The following DNAH11 variants were observed in gnomAD, a reference collection of about 807,000 sequenced individuals.
DNAH11 encodes the protein dynein axonemal heavy chain 11.
Under a neutral mutation model 526.0 loss-of-function variants are expected in DNAH11, and 442 were observed. The observed-to-expected ratio is 0.84, with a 90% confidence interval of 0.78 to 0.91. The LOEUF is 0.91. DNAH11 is among the 40% of genes least tolerant of loss of function. The pLI is 0.00. For missense variants in DNAH11, 6,989 were observed against 5,448.7 expected (o/e 1.28, Z -8.90); for synonymous variants, 2,461 against 1,935.9 (o/e 1.27, Z -7.12).
At chr7:21,835,044 C>T (rs1318828132) in intron 65 of DNAH11, among the ~76,000 whole-genome samples, 1 of 151,858 alleles carries the variant, frequency 6.6e-6, no homozygotes, top group Non-Finnish European at 1.5e-5. Flanking sequence ...ACATGTATAA[C>T]CTATCAAAAT....
intron 68 of DNAH11, among the ~76,000 whole-genome samples, chr7:21,855,049 TG>T (rs1304367672): frequency 2.0e-3 from 179 of 91,320 alleles, no homozygotes; most frequent in Non-Finnish European, 4.1e-3. Context: ...TTTTTTTTTT[TG>T]GGATGGAGTC....
intron 45 of DNAH11, among the ~76,000 whole-genome samples, chr7:21,728,941 C>T (rs936643421): frequency 6.6e-6 from 1 of 152,242 alleles, no homozygotes; most frequent in East Asian, 1.9e-4. Flanking sequence ...TGCCTCTGGA[C>T]ACACTAAGGC....
intron 35 of DNAH11, among the ~76,000 whole-genome samples, 198 bp downstream of exon 35, chr7:21,691,079 C>T (rs1455070550): frequency 6.6e-6 from 1 of 151,962 alleles, no homozygotes; most frequent in Non-Finnish European, 1.5e-5. Flanking sequence ...GACTCAAAAT[C>T]AGTATTTAAA....
In DNAH11 at chr7:21,703,621, C is replaced by G. The variant is rs1272466020; in HGVS notation, c.6274-813C>G. On this transcript the variant is annotated intron_variant, in intron 37 of 81. Transcript: ENST00000409508. The stretch of plus-strand genomic sequence containing the variant: ...GTGAGAACAGCAAGGAGGAAATCCA[C>G]CCACTTGATGATCCAATCACCTCCC... 3.3e-5 allele frequency: 5 copies of G among 152,146 alleles called. No individual in the cohort carries two copies. In the East Asian group the frequency reaches 9.7e-4, roughly 29 times the overall value. 9.4% of individuals were successfully genotyped at this position (152,146 alleles called of 1,614,324 possible).
chr7:21,852,395 A>G, intron 66 of DNAH11, 72 bp from the exon 67 acceptor site: 1 of 1,452,502 alleles, frequency 6.9e-7, no homozygotes, highest in Admixed American at 2.2e-5. Flanking sequence ...CGACAGAGCA[A>G]GACTTCCTCT....
At chr7:21,584,731 C>G (rs1042726375) in intron 9 of DNAH11, among the ~76,000 whole-genome samples, 1 of 152,014 alleles carries the variant, frequency 6.6e-6, no homozygotes, top group African/African-American at 2.4e-5. Context: ...TTAATACTGC[C>G]ACTATTTTTT....
chr7:21,744,731 C>G, intron 50 of DNAH11, 132 bp downstream of exon 50: 1 of 1,428,494 alleles, frequency 7.0e-7, no homozygotes, highest in Admixed American at 2.5e-5. Flanking sequence ...CCAGAATACA[C>G]TTGGTCTATG....
chr7:21,725,922 A>C lies in DNAH11; in HGVS notation c.7378A>C (p.Lys2460Gln), dbSNP rs1354079605. 1 of 1,576,048 alleles carries C rather than the reference A, an allele frequency of 6.3e-7. No individual in the cohort carries two copies. The part of the protein sequence containing the change: ...FDYYVDHKTK[K>Q]LLPWADKIAQ... ...TTATTATGTGGACCACAAAACTAAG[A>C]AATTATTGCCCTGGGCTGACAAAAT... The change falls in exon 45 of 82, where the codon AAA becomes CAA. Residue 2460 changes from lysine (K) to glutamine (Q), a missense_variant. By Grantham distance (53) the Lys-to-Gln change is moderately conservative. Transcript: ENST00000409508.
intron 46 of DNAH11, among the ~76,000 whole-genome samples, chr7:21,737,311 G>A (rs1346395292): frequency 6.6e-6 from 1 of 152,184 alleles, no homozygotes; most frequent in Non-Finnish European, 1.5e-5. Context: ...CTGCAGATAG[G>A]GTGACCACCT....
intron 61 of DNAH11, among the ~76,000 whole-genome samples, chr7:21,800,414 T>G (rs1788926895): frequency 6.6e-6 from 1 of 152,058 alleles, no homozygotes. Flanking sequence ...GGTGGATCAC[T>G]TGAGACCAGG....
intron 42 of DNAH11, among the ~76,000 whole-genome samples, chr7:21,717,210 AC>A (rs1784700176): frequency 6.6e-6 from 1 of 151,986 alleles, no homozygotes; most frequent in Non-Finnish European, 1.5e-5. Context: ...TTACACACAC[AC>A]ACACACACAC....
chr7:21,587,215 C>T (rs1157636848), intron 9 of DNAH11, among the ~76,000 whole-genome samples: 1 of 152,184 alleles, frequency 6.6e-6, no homozygotes, highest in Non-Finnish European at 1.5e-5. Flanking sequence ...ATCAGACTCA[C>T]TGGATAACTA....
At chr7:21,773,653 T>C in intron 55 of DNAH11, 113 bp from the exon 56 acceptor site, 2 of 812,040 alleles carry the variant, frequency 2.5e-6, no homozygotes, top group Non-Finnish European at 3.7e-6. Context: ...TAGGTTATAC[T>C]ATCATTTTTT....
At position 21,612,554 on chromosome 7, in the gene DNAH11, CA is replaced by C. The variant is rs34356379; in HGVS notation, c.3853-2538del. ...TGGGCGACAGAGTGAGGCTCCGTCT[CA>C]AAAAAAAAAAAAAAAAAAAAAGAGA... On this transcript the variant is annotated intron_variant, in intron 20 of 81. Transcript: ENST00000409508. 1.7e-3 allele frequency among the ~76,000 whole-genome samples: 141 copies of C among 81,238 alleles called. 1 individual carries two copies. Among genetic ancestry groups the C allele is most frequent in the East Asian group, 8.7e-3 (30 of 3,432 alleles). 53.3% of individuals were successfully genotyped at this position (81,238 alleles called of 152,430 possible). A position where few individuals can be genotyped will look rare whatever the true frequency, so the allele number is the denominator to read the frequency against.
At chr7:21,648,231 A>G (rs1787447270) in intron 28 of DNAH11, among the ~76,000 whole-genome samples, 1 of 152,242 alleles carries the variant, frequency 6.6e-6, no homozygotes, top group Non-Finnish European at 1.5e-5. Context: ...GTGCATAAAG[A>G]ACCAATAAAA....
intron 71 of DNAH11, 53 bp downstream of exon 71, chr7:21,866,716 T>C (rs1022930874): frequency 2.5e-5 from 38 of 1,525,706 alleles, no homozygotes; most frequent in African/African-American, 2.8e-5. Flanking sequence ...AGAGGAAATG[T>C]AGTCTGAAGA....
Position 21,864,630 on chromosome 7 carries a change from A to T in DNAH11, c.11469A>T (p.Leu3823=). The T allele has an allele frequency of 6.2e-7, 1 of 1,607,688 alleles. No homozygotes were observed. The highest frequency in any genetic ancestry group is 8.5e-7 in the Non-Finnish European group (1 of 1,177,008). Residue 3823 remains leucine (L), a synonymous_variant, in exon 70 of 82, where the codon CTA becomes CTT. Coordinates refer to ENST00000409508, the MANE Select transcript of DNAH11 (RefSeq NM_001277115.2). ...EHTHLSPVDF[L]TSQSWSAIKA... Reference sequence around the variant, plus strand: ...CTCATCTGAGTCCCGTTGACTTCCTAACTTCTCAGTCATGGAGTGCTATCA... The same window carrying T: ...CTCATCTGAGTCCCGTTGACTTCCTTACTTCTCAGTCATGGAGTGCTATCA...
intron 30 of DNAH11, among the ~76,000 whole-genome samples, chr7:21,680,729 A>G (rs1356939352): frequency 6.6e-6 from 1 of 152,242 alleles, no homozygotes; most frequent in African/African-American, 2.4e-5. Flanking sequence ...CGACGGACCT[A>G]AACAAGAATA....
chr7:21,615,777 A>G (rs780421472), intron 21 of DNAH11, among the ~76,000 whole-genome samples: 1 of 152,172 alleles, frequency 6.6e-6, no homozygotes. Context: ...TGAAAGCCAT[A>G]TAGAAATATA....
Sources: gnomAD v4.1 joint callset for allele counts (sites outside exome capture counted in the v4.1 genomes callset) on GRCh38, gnomAD v4.1.1 for gene constraint, MANE v1.5 for transcripts, NCBI Gene and HGNC (gene_info 2026-07-23, HGNC 2026-07-21) for gene names.